The following GLCE variants were observed in gnomAD, a reference collection of about 807,000 sequenced individuals.
The protein encoded by GLCE is D-glucuronyl C5-epimerase.
Under a neutral mutation model 47.9 loss-of-function variants are expected in GLCE, and 19 were observed. The ratio of observed to expected loss-of-function variants is 0.40; its 90% CI spans 0.28 to 0.58. The LOEUF (loss-of-function observed/expected upper bound fraction) is 0.58, where lower values mean the gene tolerates loss of function less well. Ranked by LOEUF, GLCE falls within the 20% of genes least tolerant of loss-of-function variation. GLCE has a pLI of 0.48. For missense variants in GLCE, 556 were observed against 743.3 expected (o/e 0.75, Z 2.93); for synonymous variants, 245 against 263.4 (o/e 0.93, Z 0.68).
rs757241878 is a variant in GLCE at position 69,256,117 on chromosome 15, A to G, written c.311A>G (p.Tyr104Cys). The change falls in exon 3 of 5, where the codon TAT becomes TGT. Residue 104 changes from tyrosine to cysteine, a missense_variant. Tyr to Cys is a radical substitution (Grantham distance 194, BLOSUM62 -2). Transcript: ENST00000261858. ...GGAAGTAAGGTGTTAGGGCTCAAAT[A>G]TGAAGAAATTGACTGTCTCATAAAT... ...NVGSKVLGLK[Y>C]EEIDCLINDE... The G allele has an allele frequency of 6.2e-6, 10 of 1,614,022 alleles. No individual in the cohort carries two copies. Among genetic ancestry groups the G allele is most frequent in the African/African-American group, 5.3e-5 (4 of 74,928 alleles).
In GLCE at chr15:69,269,328, A is replaced by G; in HGVS notation, c.*84A>G. 1 of 1,095,292 alleles carries G rather than the reference A, an allele frequency of 9.1e-7. No homozygotes were observed. Among genetic ancestry groups the G allele is most frequent in the South Asian group, 1.5e-5 (1 of 67,924 alleles). The allele number at this position is 1,095,292 out of a possible 1,614,324, so 67.8% of individuals were successfully genotyped here. A position where few individuals can be genotyped will look rare whatever the true frequency, so the allele number is the denominator to read the frequency against. ...CTCAGGAGAGCATAGGCACATTTTA[A>G]AAGGTTATGTACTAGGTTTTTGTGG... is the stretch of plus-strand genomic sequence containing the variant. On this transcript the variant is annotated 3_prime_UTR_variant, in exon 5 of 5. Transcript: ENST00000261858.
chr15:69,246,717 G>GAAA (rs60267132), intron 2 of GLCE, among the ~76,000 whole-genome samples: 21 of 100,248 alleles, frequency 2.1e-4, no homozygotes, highest in African/African-American at 6.7e-4. Context: ...CTCCATCTCA[G>GAAA]AAAAAAAAAA....
chr15:69,224,176 T>C (rs1201331861), intron 2 of GLCE, among the ~76,000 whole-genome samples: 1 of 152,222 alleles, frequency 6.6e-6, no homozygotes, highest in African/African-American at 2.4e-5. Context: ...ATTAATGTGC[T>C]AAGTCTGGAA....
intron 1 of GLCE, among the ~76,000 whole-genome samples, chr15:69,186,707 C>G (rs374937735): frequency 6.6e-6 from 1 of 152,178 alleles, no homozygotes; most frequent in Non-Finnish European, 1.5e-5. Flanking sequence ...ATGGCTACTT[C>G]TCAAGTATTC....
chr15:69,210,643 A>G (rs2052219093), intron 2 of GLCE, among the ~76,000 whole-genome samples: 1 of 152,136 alleles, frequency 6.6e-6, no homozygotes, highest in African/African-American at 2.4e-5. Flanking sequence ...TACCACTTAA[A>G]TAGCTAATGT....
At chr15:69,176,048 T>C (rs552983324) in intron 1 of GLCE, among the ~76,000 whole-genome samples, 1 of 152,200 alleles carries the variant, frequency 6.6e-6, no homozygotes, top group East Asian at 1.9e-4. Context: ...AGAAGCTACA[T>C]GTGCATTATA....
chr15:69,234,803 T>A (rs994156956), intron 2 of GLCE, among the ~76,000 whole-genome samples: 2 of 152,220 alleles, frequency 1.3e-5, no homozygotes, highest in Admixed American at 6.5e-5. Context: ...CTGGGAAATC[T>A]TAGTTTAAAT....
chr15:69,241,054 A>G (rs1196086466), intron 2 of GLCE, among the ~76,000 whole-genome samples: 1 of 152,218 alleles, frequency 6.6e-6, no homozygotes, highest in Non-Finnish European at 1.5e-5. Context: ...TTCTCTTGTT[A>G]AAATCATCAT....
At chr15:69,177,130 G>C (rs1343755904) in intron 1 of GLCE, among the ~76,000 whole-genome samples, 1 of 150,556 alleles carries the variant, frequency 6.6e-6, no homozygotes, top group African/African-American at 2.4e-5. Flanking sequence ...AGCGATTCTT[G>C]TGCCTCAGCC....
intron 3 of GLCE, among the ~76,000 whole-genome samples, chr15:69,260,099 A>T (rs1275407933): frequency 6.6e-6 from 1 of 152,208 alleles, no homozygotes; most frequent in African/African-American, 2.4e-5. Flanking sequence ...ACATAAGGTA[A>T]TCCATTAATG....
intron 1 of GLCE, among the ~76,000 whole-genome samples, chr15:69,182,886 G>C (rs140111250): frequency 6.6e-6 from 1 of 152,026 alleles, no homozygotes; most frequent in South Asian, 2.1e-4. Flanking sequence ...GTGGTGGTGC[G>C]TGCCTGTAGT....
At chr15:69,254,638 T>C (rs1269135988) in intron 2 of GLCE, among the ~76,000 whole-genome samples, 1 of 152,078 alleles carries the variant, frequency 6.6e-6, no homozygotes, top group Non-Finnish European at 1.5e-5. Context: ...TTATGGGATA[T>C]TGAGTGAATA....
chr15:69,230,264 G>A (rs2052505306), intron 2 of GLCE, among the ~76,000 whole-genome samples: 1 of 150,462 alleles, frequency 6.6e-6, no homozygotes, highest in Admixed American at 6.6e-5. Flanking sequence ...ATACCGTGTA[G>A]ACACTAATAA....
chr15:69,190,078 C>T (rs957520438), intron 1 of GLCE, among the ~76,000 whole-genome samples: 10 of 151,086 alleles, frequency 6.6e-5, no homozygotes, highest in African/African-American at 2.4e-4. Flanking sequence ...TGTTTAGTTT[C>T]CAGATGTTTG....
intron 1 of GLCE, among the ~76,000 whole-genome samples, chr15:69,172,081 A>T (rs1010965371): frequency 1.3e-5 from 2 of 152,216 alleles, no homozygotes; most frequent in Non-Finnish European, 2.9e-5. Context: ...TTATATAATC[A>T]TGTTATATTG....
intron 2 of GLCE, among the ~76,000 whole-genome samples, chr15:69,218,984 C>T (rs2052343723): frequency 6.6e-6 from 1 of 152,024 alleles, no homozygotes; most frequent in Admixed American, 6.6e-5. Context: ...TACTTTTAAA[C>T]TGTTTTGTCA....
chr15:69,254,535 C>T (rs1437277731), intron 2 of GLCE, among the ~76,000 whole-genome samples: 2 of 152,076 alleles, frequency 1.3e-5, no homozygotes, highest in Non-Finnish European at 2.9e-5. Context: ...TGAAAGATGA[C>T]AGTGATTCTG....
intron 1 of GLCE, among the ~76,000 whole-genome samples, chr15:69,179,170 A>G (rs2140338348): frequency 6.6e-6 from 1 of 152,358 alleles, no homozygotes; most frequent in African/African-American, 2.4e-5. Context: ...AGGGACTAAA[A>G]GAAGGGACCA....
chr15:69,209,018 T>A (rs1401216830), intron 1 of GLCE, among the ~76,000 whole-genome samples: 1 of 152,076 alleles, frequency 6.6e-6, no homozygotes, highest in South Asian at 2.1e-4. Context: ...CTGTAGTAAG[T>A]TCACTGACTT....
Sources: allele counts gnomAD v4.1 joint callset (sites outside exome capture counted in the v4.1 genomes callset), GRCh38; gene constraint gnomAD v4.1.1; transcripts MANE v1.5; gene names NCBI Gene and HGNC (gene_info 2026-07-23, HGNC 2026-07-21).